The following MYOM3 variants were observed in gnomAD, a reference collection of about 807,000 sequenced individuals.
MYOM3 encodes the protein myomesin-3.
Under a neutral mutation model 191.7 loss-of-function variants are expected in MYOM3, and 155 were observed. The observed-to-expected ratio is 0.81, with a 90% CI of 0.71 to 0.92. MYOM3 has a LOEUF of 0.92. Among genes scored for constraint, MYOM3 ranks in the 40% least tolerant of loss-of-function variants. The pLI, the probability that MYOM3 is intolerant of heterozygous loss-of-function variation, is 0.00. For synonymous variants in MYOM3, 757 were observed against 762.9 expected (o/e 0.99, Z 0.13); for missense variants, 1,889 against 1,890.6 (o/e 1.00, Z 0.02).
chr1:24,062,236 C>T, intron 32 of MYOM3, 127 bp from the exon 33 acceptor site: 1 of 894,386 alleles, frequency 1.1e-6, no homozygotes, highest in Non-Finnish European at 1.7e-6. Context: ...TATGAGGCAC[C>T]AGATAAATAT....
Position 24,109,838 on chromosome 1 carries a change from G to T in MYOM3, c.-18-1184C>A, listed in dbSNP as rs2148563904. The stretch of plus-strand genomic sequence containing the variant: ...TATGTCATATGTCCATTCAAGGCCA[G>T]GCCGTGGCAGAGGCTGGGGACACGG... On this transcript the variant is annotated intron_variant, in intron 1 of 36. Coordinates refer to ENST00000374434, the MANE Select transcript of MYOM3 (RefSeq NM_152372.4). Among the ~76,000 whole-genome samples, 4 of 152,352 alleles carry T rather than the reference G, an allele frequency of 2.6e-5. No individual in the cohort carries two copies. The South Asian group carries it at 8.3e-4, about 32-fold the overall frequency.
chr1:24,109,127 A>G (rs1430315501), intron 1 of MYOM3, among the ~76,000 whole-genome samples: 1 of 152,146 alleles, frequency 6.6e-6, no homozygotes, highest in Admixed American at 6.6e-5. Flanking sequence ...GCCTTTGCCC[A>G]CGCTGGTTTC....
At chr1:24,074,823 G>A (rs189000613) in intron 22 of MYOM3, among the ~76,000 whole-genome samples, 36 of 152,300 alleles carry the variant, frequency 2.4e-4, no homozygotes, top group African/African-American at 7.2e-4. Context: ...AGTGGCTCAC[G>A]CCTGTAATCC....
In MYOM3 at chr1:24,074,192, T is replaced by C; in HGVS notation, c.2936A>G (p.Asp979Gly). The C allele has an allele frequency of 6.2e-7, 1 of 1,614,020 alleles. No individual in the cohort carries two copies. Among genetic ancestry groups the C allele is most frequent in the Non-Finnish European group, 8.5e-7 (1 of 1,179,926 alleles). The change falls in exon 23 of 37, where the codon GAC becomes GGC. Residue 979 changes from aspartate (D) to glycine (G), a missense_variant. Physicochemically the swap from Asp to Gly is moderately conservative, Grantham distance 94. Transcript: ENST00000374434. The part of the protein sequence containing the change: ...YSVIVTDADE[D>G]ISASHTLTEE... ...GGTTAGCGTGTGGCTTGCGGAGATG[T>C]CTTCATCGGCATCAGTGACTATGAC...
At chr1:24,091,070 C>T in intron 11 of MYOM3, 74 bp from the exon 12 acceptor site, 2 of 1,519,564 alleles carry the variant, frequency 1.3e-6, no homozygotes, top group African/African-American at 1.4e-5. Context: ...TCTACAAGGG[C>T]CTTTCTCTGA....
At chr1:24,060,555 C>T (rs542578814) in intron 35 of MYOM3, among the ~76,000 whole-genome samples, 8 of 152,310 alleles carry the variant, frequency 5.3e-5, no homozygotes, top group African/African-American at 1.9e-4. Flanking sequence ...CAGCCAGACT[C>T]CTACCACCAG....
At chr1:24,062,173 C>G (rs1643378343) in intron 32 of MYOM3, 64 bp from the exon 33 acceptor site, 3 of 1,582,104 alleles carry the variant, frequency 1.9e-6, no homozygotes. Context: ...TACCCGTGCC[C>G]CAAAATCCTC....
In MYOM3 at chr1:24,068,321, A is replaced by G. The variant is rs12145360; in HGVS notation, c.3197T>C (p.Ile1066Thr). ...FDREKGLVEV[I>T]IQNLSEEDKG... ...GTCCTCCTCAGACAAGTTCTGGATG[A>G]TCACTTCCACCAGGCCCTTCTCTCG... The change falls in exon 26 of 37, where the codon ATC (isoleucine) becomes ACC (threonine). Residue 1066 changes from isoleucine to threonine, a missense_variant. Ile to Thr is a moderately conservative substitution (Grantham distance 89). Transcript: ENST00000374434. 230,221 of 1,613,636 alleles carry G rather than the reference A, an allele frequency of 0.14. 18,275 individuals carry two copies. The highest frequency in any genetic ancestry group is 0.26 in the Middle Eastern group (1,567 of 6,062).
In MYOM3 at chr1:24,090,804, C is replaced by T; in HGVS notation, c.1425G>A (p.Arg475=). Residue 475 remains arginine (R), a synonymous_variant, in exon 12 of 37, where the codon AGG becomes AGA. Coordinates refer to ENST00000374434, the MANE Select transcript of MYOM3 (RefSeq NM_152372.4). ...TAGGACCTCTGTACCCACCTGTCTT[C>T]CTCCGGGCTGCATCATGGTCACCCA... The part of the protein sequence containing the change: ...VVMGDHDAAR[R]KTEIPFDLGN... 5 of 1,614,126 alleles carry T rather than the reference C, an allele frequency of 3.1e-6. No individual in the cohort carries two copies. The highest frequency in any genetic ancestry group is 4.2e-6 in the Non-Finnish European group (5 of 1,180,018).
intron 25 of MYOM3, 146 bp from the exon 26 acceptor site, chr1:24,068,513 T>A (rs6660675): frequency 5.8e-6 from 5 of 861,270 alleles, no homozygotes; most frequent in Non-Finnish European, 7.2e-6. Flanking sequence ...AACCCTCTGC[T>A]GCTCCCCCCA....
In MYOM3 at chr1:24,089,545, A is replaced by G. The variant is rs1349227974; in HGVS notation, c.1607T>C (p.Leu536Pro). Residue 536 changes from leucine to proline, a missense_variant, in exon 14 of 37, where the codon CTG (leucine) becomes CCG (proline). Transcript: ENST00000374434. ...GGCCTCGGGGTTCCCTACCTTCTCC[A>G]GGGAGTACGTCAGTGGTGCTCTGTC... ...PRDRAPLTYS[L>P]EKSVIGSGTW... The G allele has an allele frequency of 6.3e-7, 1 of 1,599,790 alleles. No homozygotes were observed. The highest frequency in any genetic ancestry group is 1.1e-5 in the South Asian group (1 of 88,222).
intron 27 of MYOM3, among the ~76,000 whole-genome samples, chr1:24,067,564 G>A (rs903778599): frequency 2.0e-5 from 3 of 151,568 alleles, no homozygotes; most frequent in Admixed American, 2.0e-4. Context: ...CTGGTTTCAA[G>A]GATTCTTGTG....
intron 9 of MYOM3, 68 bp from the exon 10 acceptor site, chr1:24,093,176 A>G (rs1643861633): frequency 9.8e-7 from 1 of 1,018,678 alleles, no homozygotes; most frequent in East Asian, 2.6e-5. Flanking sequence ...AACCACAGAA[A>G]CTGGGGGGTC....
chr1:24,074,096 G>T, intron 23 of MYOM3, 64 bp downstream of exon 23: 1 of 1,356,976 alleles, frequency 7.4e-7, no homozygotes. Context: ...GCTGACCTGT[G>T]TGGGCATTTG....
At chr1:24,081,534 C>T in intron 18 of MYOM3, 78 bp from the exon 19 acceptor site, 1 of 1,537,344 alleles carries the variant, frequency 6.5e-7, no homozygotes, top group Admixed American at 1.8e-5. Context: ...GCGGGAGGGA[C>T]TCAGAGCAGG....
chr1:24,105,838 A>C, intron 5 of MYOM3, 82 bp downstream of exon 5: 1 of 1,363,824 alleles, frequency 7.3e-7, no homozygotes, highest in Non-Finnish European at 1.0e-6. Flanking sequence ...CTGCAACAAG[A>C]AGTCCTGGCA....
Position 24,057,340 on chromosome 1 carries a change from C to T in MYOM3, c.*24G>A. Reference sequence around the variant, plus strand: ...CCTACTGGTCCATGTAGACTAGACTCAGACTGTGCCTGGACACACGCTGTC... The same window carrying T: ...CCTACTGGTCCATGTAGACTAGACTTAGACTGTGCCTGGACACACGCTGTC... On this transcript the variant is annotated 3_prime_UTR_variant, in exon 37 of 37. Transcript: ENST00000374434. The T allele has an allele frequency of 6.2e-7, 1 of 1,604,876 alleles. No homozygotes were observed. The highest frequency in any genetic ancestry group is 2.2e-5 in the East Asian group (1 of 44,810).
At chr1:24,101,398 G>C (rs1157468834) in intron 5 of MYOM3, among the ~76,000 whole-genome samples, 1 of 151,098 alleles carries the variant, frequency 6.6e-6, no homozygotes, top group Non-Finnish European at 1.5e-5. Context: ...CAGAATTTCG[G>C]GGGGGTTAGA....
rs1248441229 is a variant in MYOM3, at chr1:24,071,253, A to G, written c.3014T>C (p.Val1005Ala). 1.2e-6 allele frequency: 2 copies of G among 1,611,874 alleles called. No individual in the cohort carries two copies. Among genetic ancestry groups the G allele is most frequent in the Admixed American group, 3.4e-5 (2 of 59,700 alleles). ...GTTCCAGCCGGAGATCAGTTTGATCACTGGGAGGCGCAGGACGGGAAGGGG... is the reference window on the plus strand; with the variant it reads ...GTTCCAGCCGGAGATCAGTTTGATCGCTGGGAGGCGCAGGACGGGAAGGGG... Reference protein sequence around the residue: ...KKLSHEIRNPVIKLISGWNID... With the variant: ...KKLSHEIRNPAIKLISGWNID... The change falls in exon 25 of 37, where the codon GTG (valine) becomes GCG (alanine). Residue 1005 changes from valine to alanine, a missense_variant and splice_region_variant. Val to Ala is a moderately conservative substitution (Grantham distance 64). Coordinates refer to ENST00000374434, the MANE Select transcript of MYOM3 (RefSeq NM_152372.4).
Sources: allele counts gnomAD v4.1 joint callset (sites outside exome capture counted in the v4.1 genomes callset), GRCh38; gene constraint gnomAD v4.1.1; transcripts MANE v1.5; gene names NCBI Gene and HGNC (gene_info 2026-07-23, HGNC 2026-07-21).